ZNF480: variants seen among roughly 807,000 people sequenced by gnomAD.
ZNF480 encodes zinc finger protein 480.
ZNF480 carries 15 observed loss-of-function variants against 14.4 expected under a neutral mutation model. The observed-to-expected ratio is 1.04, with a 90% CI of 0.70 to 1.60. The LOEUF (loss-of-function observed/expected upper bound fraction) is 1.60, where lower values mean the gene tolerates loss of function less well. Among genes scored for constraint, ZNF480 ranks in the 40% most tolerant of loss-of-function variants. The pLI is 0.00. For synonymous variants in ZNF480, 218 were observed against 215.5 expected, an observed-to-expected ratio of 1.01 and a Z score of -0.10; for missense variants, 593 against 629.7, an observed-to-expected ratio of 0.94 and a Z score of 0.62.
chr19:52,297,619 T>C (rs1982469462), intron 1 of ZNF480, among the ~76,000 whole-genome samples: 1 of 152,118 alleles, frequency 6.6e-6, no homozygotes, highest in African/African-American at 2.4e-5. Context: ...AGAAGCCGCG[T>C]CTTCTGCCCA....
chr19:52,323,795 G>GAACAT lies in ZNF480; in HGVS notation c.*939_*943dup, dbSNP rs1383132303. The GAACAT allele has an allele frequency of 7.9e-5, 12 of 152,140 alleles. No homozygotes were observed. In the East Asian group the frequency reaches 2.3e-3, roughly 29 times the overall value. 9.4% of individuals were successfully genotyped at this position (152,140 alleles called of 1,614,324 possible). On this transcript the variant is annotated 3_prime_UTR_variant, in exon 5 of 5. Coordinates refer to ENST00000595962, the MANE Select transcript of ZNF480 (RefSeq NM_144684.4). ...ACCCTCAACAAATTACACATTGAGG[G>GAACAT]AACATACTTCAATAAGAACCATCTA...
chr19:52,309,513 A>G lies in ZNF480; in HGVS notation c.73-4640A>G, dbSNP rs554499500. On this transcript the variant is annotated intron_variant, in intron 2 of 4. Transcript: ENST00000595962. ...CCTGACCTGGGGCCCTGTTACTTCA[A>G]TGCTTATGTTCAGACAAGACAGAAA... Among the ~76,000 whole-genome samples, 11 of 152,230 alleles carry G rather than the reference A, an allele frequency of 7.2e-5. No homozygotes were observed. The East Asian group carries it at 1.2e-3, about 16-fold the overall frequency.
At chr19:52,321,260 T>C (rs1983795766) in intron 4 of ZNF480, among the ~76,000 whole-genome samples, 1 of 152,198 alleles carries the variant, frequency 6.6e-6, no homozygotes, top group African/African-American at 2.4e-5. Context: ...TTATTATGTA[T>C]ACTGCTTCTC....
Position 52,321,478 on chromosome 19 carries a change from C to T in ZNF480, c.329-101C>T, listed in dbSNP as rs944874895. On this transcript the variant is annotated intron_variant, in intron 4 of 4. Transcript: ENST00000595962. ...TGTACAAAGTGTGCTGATATTTCTT[C>T]CAATGTCTGAGTCAGATGAGGCAGA... The T allele has an allele frequency of 2.2e-5, 22 of 1,001,712 alleles. No individual in the cohort carries two copies. In the African/African-American group the frequency reaches 3.6e-4, roughly 16 times the overall value. The allele number at this position is 1,001,712 out of a possible 1,614,324, so 62.1% of individuals were successfully genotyped here.
Position 52,322,198 on chromosome 19 carries a change from A to G in ZNF480, c.948A>G (p.Lys316=). 4 of 1,614,110 alleles carry G rather than the reference A, an allele frequency of 2.5e-6. No homozygotes were observed. Among genetic ancestry groups the G allele is most frequent in the Non-Finnish European group, 3.4e-6 (4 of 1,180,014 alleles). ...QRIHAEEKPY[K]CNECGKGFSH... ...TTCATGCTGAAGAGAAACCTTACAA[A>G]TGTAATGAATGTGGTAAAGGCTTCA... Residue 316 remains lysine (K), a synonymous_variant, in exon 5 of 5, where the codon AAA becomes AAG. Transcript: ENST00000595962.
rs928840083 is a variant in ZNF480 at position 52,316,196 on chromosome 19, C to G, written c.328+234C>G. On this transcript the variant is annotated intron_variant, in intron 4 of 4. Transcript: ENST00000595962. ...TCTTTCTTTCTCTCTCTCTCTTTCT[C>G]TTTCTTTCTTTCTTTCTTTCTTTCT... 2.7e-4 allele frequency among the ~76,000 whole-genome samples: 37 copies of G among 138,248 alleles called. 1 individual carries two copies. In the Middle Eastern group the frequency reaches 0.014, roughly 53 times the overall value. 90.7% of individuals were successfully genotyped at this position (138,248 alleles called of 152,430 possible).
At chr19:52,300,314 T>A in intron 1 of ZNF480, 80 bp from the exon 2 acceptor site, 1 of 1,476,480 alleles carries the variant, frequency 6.8e-7, no homozygotes, top group Non-Finnish European at 9.3e-7. Flanking sequence ...CAGGGTGAGG[T>A]CTAACCTGTG....
chr19:52,318,283 T>C (rs972725658), intron 4 of ZNF480, among the ~76,000 whole-genome samples: 4 of 151,972 alleles, frequency 2.6e-5, no homozygotes, highest in Non-Finnish European at 4.4e-5. Context: ...AATTTTTGTA[T>C]CTTTAATAGA....
chr19:52,297,263 C>G, intron 1 of ZNF480, 40 bp downstream of exon 1: 1 of 448,312 alleles, frequency 2.2e-6, no homozygotes, highest in South Asian at 1.6e-5. Flanking sequence ...CGCTTCCCAA[C>G]TCCCCCGCGC....
At chr19:52,310,120 ATCTCAGC>A (rs1248710977) in intron 2 of ZNF480, among the ~76,000 whole-genome samples, 1 of 151,570 alleles carries the variant, frequency 6.6e-6, no homozygotes. Context: ...CCGTGGCAGG[ATCTCAGC>A]TCACTGCAAC....
intron 2 of ZNF480, chr19:52,300,707 G>A (rs1045462842): frequency 1.4e-6 from 1 of 735,490 alleles, no homozygotes; most frequent in African/African-American, 1.8e-5. Context: ...TGTAAAGTGG[G>A]ATCAGGGGCC....
chr19:52,313,130 TTC>T (rs1443631781), intron 2 of ZNF480, among the ~76,000 whole-genome samples: 4,640 of 102,418 alleles, frequency 0.045, 214 homozygotes, highest in African/African-American at 0.19. Context: ...CTATAATTCT[TTC>T]TCTTTTTTTT....
intron 2 of ZNF480, among the ~76,000 whole-genome samples, chr19:52,312,297 A>G (rs1324951749): frequency 6.6e-6 from 1 of 151,920 alleles, no homozygotes; most frequent in Non-Finnish European, 1.5e-5. Flanking sequence ...AGTAGCTGGG[A>G]TTAAAGGCAC....
chr19:52,315,071 G>A (rs957658347), intron 3 of ZNF480, among the ~76,000 whole-genome samples: 7 of 151,744 alleles, frequency 4.6e-5, no homozygotes, highest in Non-Finnish European at 8.8e-5. Flanking sequence ...TAAGCAATTC[G>A]CCTTAGCCTC....
intron 2 of ZNF480, chr19:52,300,710 C>A: frequency 2.9e-6 from 2 of 691,076 alleles, no homozygotes; most frequent in Non-Finnish European, 4.7e-6. Context: ...AAAGTGGGAT[C>A]AGGGGCCAAC....
intron 1 of ZNF480, among the ~76,000 whole-genome samples, chr19:52,300,055 A>C (rs1365714245): frequency 6.6e-6 from 1 of 152,190 alleles, no homozygotes; most frequent in Non-Finnish European, 1.5e-5. Flanking sequence ...GAGGGATTAC[A>C]TGAGCCTGGG....
chr19:52,318,566 C>T (rs924184569), intron 4 of ZNF480, among the ~76,000 whole-genome samples: 2 of 152,080 alleles, frequency 1.3e-5, no homozygotes, highest in Non-Finnish European at 2.9e-5. Context: ...ACCTTCTTTC[C>T]TGTACTATCA....
At chr19:52,307,957 C>A (rs1983034327) in intron 2 of ZNF480, among the ~76,000 whole-genome samples, 1 of 152,198 alleles carries the variant, frequency 6.6e-6, no homozygotes, top group Admixed American at 6.5e-5. Flanking sequence ...TGGCCAGCTT[C>A]TTTAAAGCCT....
intron 3 of ZNF480, 130 bp downstream of exon 3, chr19:52,314,409 G>A: frequency 1.1e-6 from 1 of 870,526 alleles, no homozygotes; most frequent in South Asian, 2.8e-5. Context: ...AACCTGGGAG[G>A]CAGAGGTTTT....
Sources: allele counts gnomAD v4.1 joint callset (sites outside exome capture counted in the v4.1 genomes callset), GRCh38; gene constraint gnomAD v4.1.1; transcripts MANE v1.5; gene names NCBI Gene and HGNC (gene_info 2026-07-23, HGNC 2026-07-21).